The following FRMD6 variants were observed in gnomAD, a reference collection of about 807,000 sequenced individuals.
FRMD6 encodes FERM domain containing 6, also known as FERM domain-containing protein 6.
FRMD6 carries 37 observed loss-of-function variants against 73.2 expected under a neutral mutation model. The observed-to-expected ratio is 0.51, with a 90% confidence interval of 0.39 to 0.66. The LOEUF is 0.66. FRMD6 is among the 30% of genes least tolerant of loss of function. The pLI is 0.00. For synonymous variants in FRMD6, 273 were observed against 282.2 expected, an observed-to-expected ratio of 0.97 and a Z score of 0.33; for missense variants, 714 against 780.5, an observed-to-expected ratio of 0.91 and a Z score of 1.02.
intron 2 of FRMD6, among the ~76,000 whole-genome samples, chr14:51,585,114 C>G (rs906711869): frequency 6.6e-6 from 1 of 152,174 alleles, no homozygotes; most frequent in Non-Finnish European, 1.5e-5. Flanking sequence ...GTCTCTAGGA[C>G]AGCCTGGCAA....
the FRMD6 span, among the ~76,000 whole-genome samples, chr14:51,449,259 G>C: frequency 6.6e-6 from 1 of 152,210 alleles, no homozygotes; most frequent in Non-Finnish European, 1.5e-5. Context: ...AGCTCTCCCT[G>C]TGGCAGTCAG....
intron 1 of FRMD6, among the ~76,000 whole-genome samples, chr14:51,689,279 C>G (rs4542578): frequency 0.12 from 18,830 of 152,148 alleles, 1,294 homozygotes; most frequent in Non-Finnish European, 0.16. Flanking sequence ...ATGTAAGAGC[C>G]AAGACATTTA....
intron 1 of FRMD6, among the ~76,000 whole-genome samples, chr14:51,538,782 A>G (rs1596557820): frequency 6.6e-6 from 1 of 152,330 alleles, no homozygotes; most frequent in East Asian, 1.9e-4. Flanking sequence ...CAGTACCACA[A>G]TGTCTTGATT....
chr14:51,474,202 T>C, the FRMD6 span, among the ~76,000 whole-genome samples: 1 of 152,216 alleles, frequency 6.6e-6, no homozygotes, highest in Non-Finnish European at 1.5e-5. Context: ...TCAATTTCAT[T>C]TCAAGTTAGG....
intron 1 of FRMD6, among the ~76,000 whole-genome samples, chr14:51,566,300 A>T (rs1887772217): frequency 6.6e-6 from 1 of 152,236 alleles, no homozygotes; most frequent in Non-Finnish European, 1.5e-5. Flanking sequence ...AGCCACTTGG[A>T]TGTGACACAT....
intron 1 of FRMD6, among the ~76,000 whole-genome samples, chr14:51,544,213 C>T (rs116547210): frequency 0.014 from 2,138 of 152,014 alleles, 50 homozygotes; most frequent in African/African-American, 0.049. Flanking sequence ...TAATATTATC[C>T]TACCTAAATA....
the FRMD6 span, among the ~76,000 whole-genome samples, chr14:51,450,740 A>C: frequency 6.6e-6 from 1 of 152,240 alleles, no homozygotes; most frequent in Admixed American, 6.5e-5. Flanking sequence ...CAAACAAACC[A>C]TGACTATGGG....
the FRMD6 span, among the ~76,000 whole-genome samples, chr14:51,443,162 G>A: frequency 6.6e-6 from 1 of 152,190 alleles, no homozygotes; most frequent in Non-Finnish European, 1.5e-5. Flanking sequence ...AAACATATTT[G>A]TTCCCTATCT....
the FRMD6 span, among the ~76,000 whole-genome samples, chr14:51,398,347 G>GT: frequency 1.8e-4 from 28 of 151,988 alleles, no homozygotes; most frequent in African/African-American, 6.5e-4. Context: ...CGGTGCACAT[G>GT]TTCCCAAGGT....
the FRMD6 span, among the ~76,000 whole-genome samples, chr14:51,483,434 A>G: frequency 6.6e-6 from 1 of 152,200 alleles, no homozygotes; most frequent in East Asian, 1.9e-4. Flanking sequence ...GGGGCATTTG[A>G]AGGGAGTCTT....
At chr14:51,617,344 G>A (rs1594609120) in intron 2 of FRMD6, among the ~76,000 whole-genome samples, 1 of 152,172 alleles carries the variant, frequency 6.6e-6, no homozygotes, top group South Asian at 2.1e-4. Context: ...AGAAGGCAGA[G>A]AGAGCAAGGG....
chr14:51,561,559 A>G (rs927032832), intron 1 of FRMD6, among the ~76,000 whole-genome samples: 7 of 152,236 alleles, frequency 4.6e-5, no homozygotes, highest in Non-Finnish European at 7.3e-5. Context: ...AAATAGCAAT[A>G]GACTTGTAAG....
chr14:51,552,492 C>T (rs1024646577), intron 1 of FRMD6, among the ~76,000 whole-genome samples: 2 of 152,172 alleles, frequency 1.3e-5, no homozygotes, highest in Non-Finnish European at 2.9e-5. Flanking sequence ...GGTTAAGTGG[C>T]GCAGATGGGA....
chr14:51,555,802 C>CTAA (rs1887096723), intron 1 of FRMD6, among the ~76,000 whole-genome samples: 2 of 88,538 alleles, frequency 2.3e-5, no homozygotes, highest in African/African-American at 8.4e-5. Context: ...AATTCTGACT[C>CTAA]AAAAAAAAAA....
intron 1 of FRMD6, among the ~76,000 whole-genome samples, chr14:51,689,425 C>A (rs1895392639): frequency 6.6e-6 from 1 of 152,180 alleles, no homozygotes; most frequent in East Asian, 1.9e-4. Flanking sequence ...TCTGTGAGGC[C>A]TGTAGTACTT....
At chr14:51,488,647 C>G (rs1882834916), upstream of FRMD6, among the ~76,000 whole-genome samples, 1 of 152,182 alleles carries the variant, frequency 6.6e-6, no homozygotes, top group African/African-American at 2.4e-5. Flanking sequence ...TAAAGGAACT[C>G]TAATTGCACA....
the FRMD6 span, among the ~76,000 whole-genome samples, chr14:51,443,416 G>A: frequency 6.6e-6 from 1 of 152,216 alleles, no homozygotes; most frequent in Admixed American, 6.5e-5. Flanking sequence ...AAAAGATGAG[G>A]CAGCGTGTTA....
chr14:51,495,524 A>C (rs1883244670), intron 1 of FRMD6, among the ~76,000 whole-genome samples: 1 of 152,202 alleles, frequency 6.6e-6, no homozygotes, highest in Non-Finnish European at 1.5e-5. Context: ...AGAAACCAGC[A>C]ACAAATACAA....
chr14:51,506,942 T>C (rs12437336), intron 1 of FRMD6, among the ~76,000 whole-genome samples: 95,899 of 152,106 alleles, frequency 0.63, 31,882 homozygotes, highest in African/African-American at 0.85. Flanking sequence ...GCATATACTA[T>C]GATCTCACTT....
Sources: allele counts gnomAD v4.1 joint callset (sites outside exome capture counted in the v4.1 genomes callset), GRCh38; gene constraint gnomAD v4.1.1; transcripts MANE v1.5; gene names NCBI Gene and HGNC (gene_info 2026-07-23, HGNC 2026-07-21).